Variants in PTDSS2 observed in about 807,000 individuals in gnomAD.
The protein encoded by PTDSS2 is phosphatidylserine synthase 2, also known as PSS-2.
Under a neutral mutation model 64.7 loss-of-function variants are expected in PTDSS2, and 41 were observed. The ratio of observed to expected loss-of-function variants is 0.63; its 90% CI spans 0.49 to 0.82. The LOEUF is 0.82. PTDSS2 is among the 40% of genes least tolerant of loss of function. PTDSS2 has a pLI of 0.00. For synonymous variants in PTDSS2, 297 were observed against 277.8 expected (o/e 1.07, Z -0.69); for missense variants, 485 against 650.0 (o/e 0.75, Z 2.76).
intron 6 of PTDSS2, 45 bp downstream of exon 6, chr11:487,515 C>T (rs757309819): frequency 2.9e-5 from 46 of 1,571,678 alleles, no homozygotes; most frequent in Non-Finnish European, 4.0e-5. Flanking sequence ...GGTTCTGAGG[C>T]CTGCCGTGGG....
intron 8 of PTDSS2, among the ~76,000 whole-genome samples, chr11:489,014 C>A (rs937489471): frequency 6.6e-6 from 1 of 152,260 alleles, no homozygotes; most frequent in African/African-American, 2.4e-5. Flanking sequence ...TAAGGAAAGG[C>A]CTGGGGGACG....
chr11:455,899 G>A (rs1211691256), intron 1 of PTDSS2, among the ~76,000 whole-genome samples: 4 of 152,216 alleles, frequency 2.6e-5, no homozygotes, highest in African/African-American at 4.8e-5. Flanking sequence ...TCTCCCGGGT[G>A]TGGCTGGGGC....
Position 478,436 on chromosome 11 carries a change from G to GCCAGGA in PTDSS2, c.368-646_368-641dup, listed in dbSNP as rs1405179555. Among the ~76,000 whole-genome samples, 4 of 149,932 alleles carry GCCAGGA rather than the reference G, an allele frequency of 2.7e-5. No homozygotes were observed. The Admixed American group carries it at 2.7e-4, about 10-fold the overall frequency. Reference sequence around the variant, plus strand: ...ATTGCACTCCAGCCTGGGCAACAGAGCCAGGACCTTGTCTCAAAAAAAAAA... The same window carrying GCCAGGA: ...ATTGCACTCCAGCCTGGGCAACAGAGCCAGGACCAGGACCTTGTCTCAAAAAAAAAA... On this transcript the variant is annotated intron_variant, in intron 3 of 11. Transcript: ENST00000308020.
chr11:451,736 G>A (rs1006458579), intron 1 of PTDSS2, among the ~76,000 whole-genome samples: 3 of 152,134 alleles, frequency 2.0e-5, no homozygotes, highest in Non-Finnish European at 4.4e-5. Flanking sequence ...GGACTTAACC[G>A]GTCCTGGCCT....
chr11:456,076 A>G (rs1846578687), intron 1 of PTDSS2, among the ~76,000 whole-genome samples: 1 of 151,922 alleles, frequency 6.6e-6, no homozygotes. Context: ...ACACAGCCAG[A>G]GCCACCGCGC....
Position 488,534 on chromosome 11 carries a change from C to A in PTDSS2, c.741C>A (p.Ile247=), listed in dbSNP as rs752301483. The A allele has an allele frequency of 6.2e-7, 1 of 1,613,170 alleles. No individual in the cohort carries two copies. Among genetic ancestry groups the A allele is most frequent in the South Asian group, 1.1e-5 (1 of 91,076 alleles). Residue 247 remains isoleucine (I), a synonymous_variant, in exon 8 of 12, where the codon ATC becomes ATA. Transcript: ENST00000308020. ...NFSECWWDHW[I]MDVLVCNGLG... is the part of the protein sequence containing the mutation. ...GTGCTGGCCCCTCCCTGCAGTGGATCATGGACGTGCTCGTCTGCAACGGGC... is the reference window on the plus strand; with the variant it reads ...GTGCTGGCCCCTCCCTGCAGTGGATAATGGACGTGCTCGTCTGCAACGGGC...
At chr11:487,121 C>CCAG (rs1564994994) in intron 5 of PTDSS2, 48 bp downstream of exon 5, 1 of 1,555,346 alleles carries the variant, frequency 6.4e-7, no homozygotes, top group Admixed American at 1.8e-5. Context: ...GGTGTGGCCC[C>CCAG]GTGCCGGACC....
Position 460,118 on chromosome 11 carries a change from C to A in PTDSS2, c.183-69C>A. ...TCCTTGACGTAGAGAGGATTTGGGG[C>A]CTGTTACGTGAGTATTTAGCAATGC... On this transcript the variant is annotated intron_variant, in intron 1 of 11. Transcript: ENST00000308020. The surrounding 1 kb of genome is among the most constrained non-coding windows in gnomAD (Gnocchi z 5.8). The A allele has an allele frequency of 2.4e-6, 3 of 1,232,820 alleles. No homozygotes were observed. Among genetic ancestry groups the A allele is most frequent in the Non-Finnish European group, 3.6e-6 (3 of 841,794 alleles). The allele number at this position is 1,232,820 out of a possible 1,614,324, so 76.4% of individuals were successfully genotyped here.
At chr11:467,751 T>TATAG (rs746106974) in intron 2 of PTDSS2, among the ~76,000 whole-genome samples, 80 of 152,094 alleles carry the variant, frequency 5.3e-4, no homozygotes, top group Middle Eastern at 6.8e-3. Context: ...TAGATATAGA[T>TATAG]ATAGATAGAT....
rs764244911 is a variant in PTDSS2 at position 488,190 on chromosome 11, C to T, written c.622-9C>T. 6.9e-6 allele frequency: 11 copies of T among 1,603,028 alleles called. No individual in the cohort carries two copies. The highest frequency in any genetic ancestry group is 5.5e-5 in the South Asian group (5 of 90,882). ...CGTCCCATACTCTGGCTGACCCTGG[C>T]GCCCACAGACCCTGATGATCCGAGA... On this transcript the variant is annotated splice_polypyrimidine_tract_variant and intron_variant, in intron 6 of 11. Coordinates refer to ENST00000308020, the MANE Select transcript of PTDSS2 (RefSeq NM_030783.3).
At chr11:465,763 C>CCT (rs1554950080) in intron 2 of PTDSS2, among the ~76,000 whole-genome samples, 1 of 150,774 alleles carries the variant, frequency 6.6e-6, no homozygotes. Context: ...ACCCCCCCCC[C>CCT]ATCTCTACTA....
intron 1 of PTDSS2, among the ~76,000 whole-genome samples, chr11:452,874 C>T (rs976059455): frequency 4.6e-5 from 7 of 152,172 alleles, no homozygotes; most frequent in African/African-American, 1.7e-4. Context: ...GAGAGTTTTA[C>T]TTTTTATTTT....
At chr11:456,169 TC>T (rs1365969768) in intron 1 of PTDSS2, among the ~76,000 whole-genome samples, 64 of 142,430 alleles carry the variant, frequency 4.5e-4, no homozygotes, top group African/African-American at 1.6e-3. Flanking sequence ...TTTCTTTCAT[TC>T]TTTTTTTTTT....
chr11:485,069 ACGGG>A, intron 4 of PTDSS2, among the ~76,000 whole-genome samples: 1 of 76,072 alleles, frequency 1.3e-5, no homozygotes, highest in Non-Finnish European at 2.4e-5. Flanking sequence ...TGTAAACTGC[ACGGG>A]CACGTGTGCT....
rs1375840412 is a variant in PTDSS2 at position 460,206 on chromosome 11, G to A, written c.202G>A (p.Val68Met). ...TTTCAGGCGAGCCCACACCTTAACC[G>A]TGCTCTTCATCCTCACCTGTACGCT... is the stretch of plus-strand genomic sequence containing the variant. ...TFFWRAHTLT[V>M]LFILTCTLGY... The change falls in exon 2 of 12, where the codon GTG becomes ATG. Residue 68 changes from valine (V) to methionine (M), a missense_variant. Val to Met is a conservative substitution (Grantham distance 21). Transcript: ENST00000308020. This position sits in a 1 kb window ranked among gnomAD's most constrained non-coding sequence, Gnocchi z 5.8. The A allele has an allele frequency of 6.2e-6, 10 of 1,614,012 alleles. No individual in the cohort carries two copies. Among genetic ancestry groups the A allele is most frequent in the South Asian group, 2.2e-5 (2 of 91,086 alleles).
chr11:479,281 A>G lies in PTDSS2; in HGVS notation c.435+129A>G, dbSNP rs1564984490. On this transcript the variant is annotated intron_variant, in intron 4 of 11. Coordinates refer to ENST00000308020, the MANE Select transcript of PTDSS2 (RefSeq NM_030783.3). This position sits in a 1 kb window ranked among gnomAD's most constrained non-coding sequence, Gnocchi z 4.2. ...AGGAAGCAGGGCTAGACCCCCACAA[A>G]GTAGGCCGAGCTGCGGGGGGTCTCC... The G allele has an allele frequency of 1.2e-6, 1 of 838,068 alleles. No homozygotes were observed. 51.9% of individuals were successfully genotyped at this position (838,068 alleles called of 1,614,324 possible).
In PTDSS2 at chr11:450,517, G is replaced by A; in HGVS notation, c.62G>A (p.Gly21Asp). The A allele has an allele frequency of 8.1e-7, 1 of 1,239,878 alleles. No homozygotes were observed. Among genetic ancestry groups the A allele is most frequent in the East Asian group, 3.2e-5 (1 of 31,418 alleles). The allele number at this position is 1,239,878 out of a possible 1,614,324, so 76.8% of individuals were successfully genotyped here. ...GPRPESPVPA[G>D]RASLEEPPDG... is the part of the protein sequence containing the mutation. ...CGGCCCGAGTCCCCGGTGCCCGCGG[G>A]CAGGGCCTCGCTGGAGGAGCCGCCT... Residue 21 changes from glycine to aspartate, a missense_variant, in exon 1 of 12, where the codon GGC (glycine) becomes GAC (aspartate). Physicochemically the swap from Gly to Asp is moderately conservative, Grantham distance 94. Coordinates refer to ENST00000308020, the MANE Select transcript of PTDSS2 (RefSeq NM_030783.3).
intron 2 of PTDSS2, among the ~76,000 whole-genome samples, chr11:465,373 G>A (rs1847095381): frequency 6.6e-6 from 1 of 152,152 alleles, no homozygotes; most frequent in African/African-American, 2.4e-5. Context: ...AAAATTTTTT[G>A]TAGAGATAAA....
At chr11:458,315 C>T (rs1846692076) in intron 1 of PTDSS2, among the ~76,000 whole-genome samples, 1 of 151,804 alleles carries the variant, frequency 6.6e-6, no homozygotes, top group Non-Finnish European at 1.5e-5. Flanking sequence ...CGCCATTCTC[C>T]TGCCTCAGCC....
Sources: gnomAD v4.1 joint callset for allele counts (sites outside exome capture counted in the v4.1 genomes callset) on GRCh38, gnomAD v4.1.1 for gene constraint, Gnocchi (gnomAD v3.1) non-coding constraint, MANE v1.5 for transcripts, NCBI Gene and HGNC (gene_info 2026-07-23, HGNC 2026-07-21) for gene names.